Variants in TMEM164 observed in about 807,000 individuals in gnomAD.
TMEM164 encodes the protein transmembrane protein 164, also known as RP13-360B22.2.
In TMEM164, 4 loss-of-function variants were observed where a neutral mutation model predicts 18.8. The ratio of observed to expected loss-of-function variants is 0.21; its 90% confidence interval spans 0.10 to 0.49. The LOEUF (loss-of-function observed/expected upper bound fraction) is 0.49, where lower values mean the gene tolerates loss of function less well. Among genes scored for constraint, TMEM164 ranks in the 20% least tolerant of loss-of-function variants. The pLI is 0.98. For missense variants in TMEM164, 108 were observed against 239.9 expected (o/e 0.45, Z 3.63); for synonymous variants, 86 against 101.7 (o/e 0.85, Z 0.93).
At chrX:110,180,488 C>A (rs367896098), downstream of TMEM164, among the ~76,000 whole-genome samples, 296 of 101,508 alleles carry the variant, frequency 2.9e-3, 1 homozygote, top group African/African-American at 0.012. Context: ...TGCCTGAACC[C>A]CCCCGCCCCG....
intron 2 of TMEM164, among the ~76,000 whole-genome samples, chrX:110,021,363 G>A (rs1302770788): frequency 2.7e-5 from 3 of 111,047 alleles, no homozygotes; most frequent in East Asian, 5.6e-4. Flanking sequence ...GTGAGGCAGG[G>A]GGCATGGAGA....
intron 2 of TMEM164, among the ~76,000 whole-genome samples, chrX:110,007,519 A>G (rs913520726): frequency 1.8e-5 from 2 of 112,226 alleles, no homozygotes; most frequent in African/African-American, 6.5e-5. Flanking sequence ...TTTGGCAGGT[A>G]TGGGTGACAG....
intron 5 of TMEM164, among the ~76,000 whole-genome samples, chrX:110,166,285 T>C (rs1279741134): frequency 1.8e-5 from 2 of 112,575 alleles, no homozygotes; most frequent in East Asian, 5.5e-4. Context: ...TTCCTCAGTG[T>C]CCCTGTTACT....
At chrX:110,130,729 C>G (rs1195555985) in intron 4 of TMEM164, among the ~76,000 whole-genome samples, 5 of 107,987 alleles carry the variant, frequency 4.6e-5, no homozygotes, top group African/African-American at 1.7e-4. Flanking sequence ...GATGCTGGGC[C>G]CCATCCCAGT....
At chrX:110,111,417 A>G (rs191316114) in intron 4 of TMEM164, among the ~76,000 whole-genome samples, 1 of 112,516 alleles carries the variant, frequency 8.9e-6, no homozygotes, top group Non-Finnish European at 1.9e-5. Flanking sequence ...ATCCAATGCT[A>G]TCTTATCATC....
intron 2 of TMEM164, among the ~76,000 whole-genome samples, chrX:110,032,340 AG>A (rs1173178154): frequency 4.5e-5 from 5 of 111,432 alleles, no homozygotes; most frequent in African/African-American, 1.6e-4. Context: ...CTGACTCTCC[AG>A]TGTGGCTTTG....
intron 5 of TMEM164, among the ~76,000 whole-genome samples, chrX:110,155,239 G>A (rs1434623184): frequency 9.0e-6 from 1 of 110,707 alleles, no homozygotes; most frequent in East Asian, 2.9e-4. Context: ...TCTTTCTCCT[G>A]GTTCTCCTAC....
At chrX:110,090,859 G>T (rs1486431346) in intron 3 of TMEM164, among the ~76,000 whole-genome samples, 7 of 95,191 alleles carry the variant, frequency 7.4e-5, no homozygotes, top group East Asian at 3.4e-4. Flanking sequence ...CCCTCCCCCA[G>T]CCCCCCACCC....
intron 2 of TMEM164, among the ~76,000 whole-genome samples, chrX:110,063,867 G>A (rs1316884350): frequency 9.0e-6 from 1 of 111,261 alleles, no homozygotes; most frequent in Non-Finnish European, 1.9e-5. Flanking sequence ...TGGCACAGGT[G>A]TGGGGCTGTT....
chrX:110,048,464 G>T (rs1202428044), intron 2 of TMEM164, among the ~76,000 whole-genome samples: 1 of 111,818 alleles, frequency 8.9e-6, no homozygotes, highest in Non-Finnish European at 1.9e-5. Flanking sequence ...GCAAGTAGTA[G>T]GTTCTTAATA....
At position 110,045,931 on chromosome X, in the gene TMEM164, C is replaced by T. The variant is rs908376584; in HGVS notation, c.391-21416C>T. On this transcript the variant is annotated intron_variant, in intron 2 of 6. Coordinates refer to ENST00000372068, the MANE Select transcript of TMEM164 (RefSeq NM_032227.4). ...TCCTGAGGCCCAGCTTTATCCTACCCTAGGATTCAAATGGGATACCTGTAT... is the reference window on the plus strand; with the variant it reads ...TCCTGAGGCCCAGCTTTATCCTACCTTAGGATTCAAATGGGATACCTGTAT... The T allele has an allele frequency of 1.6e-5, 7 of 428,934 alleles. No homozygotes were observed. The East Asian group carries it at 1.4e-3, about 85-fold the overall frequency. The allele number at this position is 428,934 out of a possible 1,213,427, so 35.3% of individuals were successfully genotyped here.
chrX:110,102,142 A>G (rs2066120660), intron 3 of TMEM164, among the ~76,000 whole-genome samples: 1 of 101,992 alleles, frequency 9.8e-6, no homozygotes. Context: ...CCTGGCCAAC[A>G]TGGTGAAACC....
intron 2 of TMEM164, among the ~76,000 whole-genome samples, chrX:110,014,456 T>A (rs1202379322): frequency 8.9e-6 from 1 of 111,899 alleles, no homozygotes; most frequent in Non-Finnish European, 1.9e-5. Context: ...AATTATCCAG[T>A]CCTTTCTGGG....
At chrX:110,098,199 A>C (rs1042477748) in intron 3 of TMEM164, among the ~76,000 whole-genome samples, 9 of 111,911 alleles carry the variant, frequency 8.0e-5, no homozygotes, top group Admixed American at 7.6e-4. Context: ...ACTTAGCATA[A>C]TGCCTTTGAG....
chrX:110,173,816 C>T lies in TMEM164; in HGVS notation c.*365C>T, dbSNP rs1174777155. ...CAACAAGTAGTAGTTCTTTTGGCAT[C>T]GAAGCAATGAGATTGGGTTGTGTTT... On this transcript the variant is annotated 3_prime_UTR_variant, in exon 7 of 7. Transcript: ENST00000372068. The T allele has an allele frequency of 1.1e-5, 2 of 187,116 alleles. No individual in the cohort carries two copies. The highest frequency in any genetic ancestry group is 9.7e-6 in the Non-Finnish European group (1 of 102,946). 15.4% of individuals were successfully genotyped at this position (187,116 alleles called of 1,213,427 possible).
At chrX:110,139,012 G>A (rs767919687) in intron 4 of TMEM164, among the ~76,000 whole-genome samples, 2 of 112,394 alleles carry the variant, frequency 1.8e-5, no homozygotes, top group East Asian at 2.8e-4. Context: ...CAGTGATGGC[G>A]ATGAGTAGAG....
chrX:110,161,554 T>C (rs745339257), intron 5 of TMEM164, among the ~76,000 whole-genome samples: 1 of 111,944 alleles, frequency 8.9e-6, no homozygotes, highest in Non-Finnish European at 1.9e-5. Context: ...GAGGAAGAAG[T>C]GATTGGTGCT....
intron 2 of TMEM164, among the ~76,000 whole-genome samples, chrX:110,033,143 C>T (rs929671052): frequency 8.9e-6 from 1 of 111,815 alleles, no homozygotes; most frequent in Non-Finnish European, 1.9e-5. Flanking sequence ...TGTCTCTTCT[C>T]TCACTGTCTC....
intron 3 of TMEM164, among the ~76,000 whole-genome samples, chrX:110,085,838 T>C (rs1287816468): frequency 8.9e-6 from 1 of 112,008 alleles, no homozygotes; most frequent in Non-Finnish European, 1.9e-5. Context: ...AATTCTGCCA[T>C]TTCTGCCCTT....
Sources: allele counts gnomAD v4.1 joint callset (sites outside exome capture counted in the v4.1 genomes callset), GRCh38; gene constraint gnomAD v4.1.1; transcripts MANE v1.5; gene names NCBI Gene and HGNC (gene_info 2026-07-23, HGNC 2026-07-21).